DNER: variants seen among roughly 807,000 people sequenced by gnomAD.
The protein encoded by DNER is delta and Notch-like epidermal growth factor-related receptor.
DNER carries 33 observed loss-of-function variants against 78.2 expected under a neutral mutation model. The observed-to-expected ratio is 0.42, with a 90% CI of 0.32 to 0.56. DNER has a LOEUF of 0.56. Among genes scored for constraint, DNER ranks in the 20% least tolerant of loss-of-function variants. The probability of loss-of-function intolerance (pLI) is 0.11; values close to 1 mark genes in which losing one functional copy is unlikely to be tolerated. For missense variants in DNER, 918 were observed against 975.3 expected (o/e 0.94, Z 0.78); for synonymous variants, 417 against 384.8 (o/e 1.08, Z -0.98).
In DNER at chr2:229,484,036, C is replaced by G. The variant is rs1695220881; in HGVS notation, c.1148-6783G>C. Among the ~76,000 whole-genome samples, 6 of 151,394 alleles carry G rather than the reference C, an allele frequency of 4.0e-5. No homozygotes were observed. In the South Asian group the frequency reaches 1.3e-3, roughly 33 times the overall value. ...CCGAGAACATAAACTCCCTGAGAAT[C>G]AGGACTTTCTCTGCCTTGTTTGGAG... On this transcript the variant is annotated intron_variant, in intron 6 of 12. Transcript: ENST00000341772.
chr2:229,507,085 G>T (rs1695760194), intron 6 of DNER, among the ~76,000 whole-genome samples: 1 of 152,126 alleles, frequency 6.6e-6, no homozygotes, highest in South Asian at 2.1e-4. Context: ...GCAACACAAT[G>T]ATAAGTATAT....
At chr2:229,633,838 C>T (rs1338116521) in intron 1 of DNER, among the ~76,000 whole-genome samples, 1 of 152,238 alleles carries the variant, frequency 6.6e-6, no homozygotes, top group Non-Finnish European at 1.5e-5. Context: ...AGAGCAGCGT[C>T]TCTGGGCAAG....
chr2:229,632,477 C>G (rs954973157), intron 1 of DNER, among the ~76,000 whole-genome samples: 2 of 152,172 alleles, frequency 1.3e-5, no homozygotes, highest in Non-Finnish European at 2.9e-5. Context: ...CTTAATAAAG[C>G]ACTAACTGGT....
chr2:229,404,502 C>T (rs1298662987), intron 10 of DNER, among the ~76,000 whole-genome samples: 1 of 152,196 alleles, frequency 6.6e-6, no homozygotes. Context: ...TCTCCCTTGA[C>T]ATGTGGGGAT....
chr2:229,605,317 T>G (rs1338026557), intron 1 of DNER, among the ~76,000 whole-genome samples: 1 of 152,048 alleles, frequency 6.6e-6, no homozygotes, highest in Non-Finnish European at 1.5e-5. Context: ...CCACCTTAAT[T>G]CTGCAGCTCT....
At chr2:229,538,541 T>C (rs1696454945) in intron 5 of DNER, among the ~76,000 whole-genome samples, 2 of 150,920 alleles carry the variant, frequency 1.3e-5, no homozygotes, top group South Asian at 4.2e-4. Context: ...ATTTTGTTTT[T>C]TGTTTTTTTT....
intron 8 of DNER, among the ~76,000 whole-genome samples, chr2:229,421,636 T>G (rs1397753060): frequency 9.4e-4 from 15 of 15,948 alleles, no homozygotes; most frequent in Admixed American, 2.2e-3. Context: ...GAAATATATA[T>G]ATATATATAG....
chr2:229,441,919 C>G (rs1160625182), intron 8 of DNER, among the ~76,000 whole-genome samples: 1 of 152,194 alleles, frequency 6.6e-6, no homozygotes, highest in African/African-American at 2.4e-5. Context: ...GGCTGCTCTT[C>G]TTTTTCTCAG....
intron 4 of DNER, among the ~76,000 whole-genome samples, chr2:229,564,102 ACAT>A (rs1697042819): frequency 1.7e-5 from 1 of 58,198 alleles, no homozygotes; most frequent in Non-Finnish European, 3.5e-5. Flanking sequence ...ATCATCATCA[ACAT>A]CATCACCCCA....
At chr2:229,588,140 C>T (rs899701386) in intron 3 of DNER, among the ~76,000 whole-genome samples, 1 of 152,148 alleles carries the variant, frequency 6.6e-6, no homozygotes, top group Non-Finnish European at 1.5e-5. Context: ...TAAGGCCTCA[C>T]GGTTTGTCAC....
chr2:229,661,176 T>C (rs558040620), intron 1 of DNER, among the ~76,000 whole-genome samples: 131 of 152,326 alleles, frequency 8.6e-4, no homozygotes, highest in African/African-American at 3.0e-3. Flanking sequence ...TGGCACTAAG[T>C]GTCTTTGCCA....
At chr2:229,499,786 T>C (rs4449119) in intron 6 of DNER, among the ~76,000 whole-genome samples, 18,984 of 152,006 alleles carry the variant, frequency 0.12, 1,320 homozygotes, top group South Asian at 0.2. Context: ...AAATACAACC[T>C]GCAGAATAAG....
intron 1 of DNER, among the ~76,000 whole-genome samples, chr2:229,672,369 G>A (rs10185900): frequency 0.088 from 13,391 of 151,762 alleles, 1,429 homozygotes; most frequent in African/African-American, 0.25. Context: ...GAAGCTCAGG[G>A]CTCCAAAGGT....
At chr2:229,713,925 G>A (rs527538647) in intron 1 of DNER, among the ~76,000 whole-genome samples, 1 of 152,286 alleles carries the variant, frequency 6.6e-6, no homozygotes, top group East Asian at 1.9e-4. Flanking sequence ...GGCACACCCC[G>A]AGAGCCCGGC....
At chr2:229,636,987 A>T (rs1698541544) in intron 1 of DNER, among the ~76,000 whole-genome samples, 1 of 152,244 alleles carries the variant, frequency 6.6e-6, no homozygotes, top group Non-Finnish European at 1.5e-5. Flanking sequence ...ATAAAAATAA[A>T]ACAAAAATCA....
At chr2:229,438,381 C>A (rs371751921) in intron 8 of DNER, among the ~76,000 whole-genome samples, 1 of 152,328 alleles carries the variant, frequency 6.6e-6, no homozygotes, top group East Asian at 1.9e-4. Context: ...TAAGTGAGAG[C>A]CCAGGTTTGC....
intron 6 of DNER, among the ~76,000 whole-genome samples, chr2:229,506,707 C>T (rs1417124498): frequency 1.5e-5 from 2 of 129,268 alleles, no homozygotes; most frequent in African/African-American, 5.8e-5. Flanking sequence ...GTGTGATGTT[C>T]CCCTCCTGTG....
intron 5 of DNER, among the ~76,000 whole-genome samples, chr2:229,545,405 T>C (rs958780876): frequency 6.6e-6 from 1 of 151,974 alleles, no homozygotes; most frequent in African/African-American, 2.4e-5. Flanking sequence ...TGAAACCCCG[T>C]CTCTACTAAA....
chr2:229,659,056 T>C (rs1459271846), intron 1 of DNER, among the ~76,000 whole-genome samples: 3 of 152,170 alleles, frequency 2.0e-5, no homozygotes, highest in African/African-American at 7.2e-5. Context: ...CTGGTCAGAA[T>C]TCTGCAGCAC....
Sources: gnomAD v4.1 joint callset for allele counts (sites outside exome capture counted in the v4.1 genomes callset) on GRCh38, gnomAD v4.1.1 for gene constraint, MANE v1.5 for transcripts, NCBI Gene and HGNC (gene_info 2026-07-23, HGNC 2026-07-21) for gene names.